RBM47: variants seen among roughly 807,000 people sequenced by gnomAD.
RBM47 encodes RNA-binding protein 47.
Under a neutral mutation model 47.1 loss-of-function variants are expected in RBM47, and 21 were observed. The ratio of observed to expected loss-of-function variants is 0.45; its 90% CI spans 0.32 to 0.64. RBM47 has a LOEUF of 0.64. Among genes scored for constraint, RBM47 ranks in the 30% least tolerant of loss-of-function variants. RBM47 has a pLI of 0.05. For missense variants in RBM47, 708 were observed against 870.9 expected, an observed-to-expected ratio of 0.81 and a Z score of 2.35; for synonymous variants, 375 against 361.7, an observed-to-expected ratio of 1.04 and a Z score of -0.42.
At chr4:40,467,370 A>C (rs988840535) in intron 2 of RBM47, among the ~76,000 whole-genome samples, 1 of 150,302 alleles carries the variant, frequency 6.7e-6, no homozygotes, top group African/African-American at 2.4e-5. Context: ...GCTCACTGCA[A>C]ACGCCACCTC....
chr4:40,523,443 T>C (rs368239808), intron 2 of RBM47, among the ~76,000 whole-genome samples: 87 of 152,016 alleles, frequency 5.7e-4, no homozygotes, highest in African/African-American at 2.1e-3. Context: ...CTGAGGTTAG[T>C]AGTTGGAGAC....
chr4:40,423,560 T>C lies in RBM47; in HGVS notation c.*2344A>G, dbSNP rs1380852699. On this transcript the variant is annotated 3_prime_UTR_variant, in exon 7 of 7. Transcript: ENST00000295971. ...AACAGATAAGTCCCAGATAGGAGGC[T>C]CACTGATACTTAATTGGCCATGTCA... 6.6e-6 allele frequency: 1 copy of C among 152,166 alleles called. No individual in the cohort carries two copies. The highest frequency in any genetic ancestry group is 1.5e-5 in the Non-Finnish European group (1 of 68,034). 9.4% of individuals were successfully genotyped at this position (152,166 alleles called of 1,614,324 possible).
intron 3 of RBM47, among the ~76,000 whole-genome samples, chr4:40,439,381 G>A (rs562194731): frequency 8.5e-4 from 129 of 152,304 alleles, no homozygotes; most frequent in African/African-American, 3.0e-3. Context: ...TGTAGGAATG[G>A]AAATACAGTG....
chr4:40,626,463 C>T (rs1361254170), intron 1 of RBM47, among the ~76,000 whole-genome samples: 1 of 152,212 alleles, frequency 6.6e-6, no homozygotes, highest in Non-Finnish European at 1.5e-5. Context: ...AGTTTACCTG[C>T]AATCCTTTGA....
rs147157441 is a variant in RBM47 at position 40,562,758 on chromosome 4, G to A, written c.-239-18252C>T. Among the ~76,000 whole-genome samples the A allele has an allele frequency of 2.8e-3, 432 of 152,220 alleles. 2 individuals are homozygous for A. Among genetic ancestry groups the A allele is most frequent in the Non-Finnish European group, 4.3e-3 (289 of 68,000 alleles). ...TAGGATTACAGGCGTGAGCCACCGTGCCCAGCCGAAATATTTCCTTTCTGT... is the reference window on the plus strand; with the variant it reads ...TAGGATTACAGGCGTGAGCCACCGTACCCAGCCGAAATATTTCCTTTCTGT... On this transcript the variant is annotated intron_variant, in intron 1 of 6. Coordinates refer to ENST00000295971, the MANE Select transcript of RBM47 (RefSeq NM_001098634.2).
At chr4:40,468,159 C>T (rs949281789) in intron 2 of RBM47, among the ~76,000 whole-genome samples, 6 of 152,160 alleles carry the variant, frequency 3.9e-5, no homozygotes, top group African/African-American at 9.6e-5. Context: ...CAGTGGTAGG[C>T]GCCTGTAATC....
At chr4:40,519,957 C>T (rs1308950697) in intron 2 of RBM47, among the ~76,000 whole-genome samples, 4 of 152,064 alleles carry the variant, frequency 2.6e-5, no homozygotes, top group Admixed American at 1.3e-4. Flanking sequence ...CATAAGCCAC[C>T]GTGCCCAGCC....
chr4:40,464,666 G>A (rs574058162), intron 3 of RBM47, among the ~76,000 whole-genome samples: 182 of 151,838 alleles, frequency 1.2e-3, no homozygotes, highest in Non-Finnish European at 2.2e-3. Flanking sequence ...TTGGGAGGCC[G>A]AGGCGGGAGG....
At chr4:40,469,640 T>G (rs1387263140) in intron 2 of RBM47, among the ~76,000 whole-genome samples, 1 of 151,128 alleles carries the variant, frequency 6.6e-6, no homozygotes, top group Non-Finnish European at 1.5e-5. Flanking sequence ...TGAAATAGAT[T>G]GTGTTTGGAG....
At chr4:40,551,338 T>C (rs411484) in intron 1 of RBM47, among the ~76,000 whole-genome samples, 142 of 152,288 alleles carry the variant, frequency 9.3e-4, no homozygotes, top group African/African-American at 3.3e-3. Context: ...TTTTGCAACG[T>C]GGAATCAGCA....
chr4:40,556,259 C>T (rs1434550457), intron 1 of RBM47, among the ~76,000 whole-genome samples: 2 of 151,988 alleles, frequency 1.3e-5, no homozygotes, highest in Non-Finnish European at 2.9e-5. Flanking sequence ...TGTTCTCCAT[C>T]TCCTGACCTC....
chr4:40,555,416 A>G (rs1729983942), intron 1 of RBM47, among the ~76,000 whole-genome samples: 1 of 152,212 alleles, frequency 6.6e-6, no homozygotes, highest in East Asian at 1.9e-4. Flanking sequence ...CGTTTCTTGC[A>G]GCATGTCTGA....
intron 2 of RBM47, among the ~76,000 whole-genome samples, chr4:40,540,114 T>C (rs1435695028): frequency 6.6e-6 from 1 of 152,128 alleles, no homozygotes; most frequent in Non-Finnish European, 1.5e-5. Context: ...CTCTAATCTT[T>C]CCTACAGATC....
intron 1 of RBM47, among the ~76,000 whole-genome samples, chr4:40,573,503 G>C (rs974643929): frequency 1.3e-5 from 2 of 152,000 alleles, no homozygotes; most frequent in Admixed American, 6.6e-5. Flanking sequence ...AGCACTTTGA[G>C]AGGCTGAGGC....
At chr4:40,564,049 A>C (rs959963827) in intron 1 of RBM47, among the ~76,000 whole-genome samples, 5 of 152,220 alleles carry the variant, frequency 3.3e-5, no homozygotes, top group African/African-American at 1.2e-4. Flanking sequence ...ATCTCTATTC[A>C]TATAATGTAA....
At chr4:40,429,599 G>A (rs1715579444) in intron 6 of RBM47, among the ~76,000 whole-genome samples, 1 of 139,226 alleles carries the variant, frequency 7.2e-6, no homozygotes, top group African/African-American at 2.7e-5. Context: ...TCTAGCAGGA[G>A]AATCGCTTGA....
rs1734599628 is a variant in RBM47, at chr4:40,594,738, C to T, written c.-240+34658G>A. Among the ~76,000 whole-genome samples, 8 of 152,314 alleles carry T rather than the reference C, an allele frequency of 5.3e-5. 1 individual carries two copies. In the South Asian group the frequency reaches 1.7e-3, roughly 32 times the overall value. ...CCCAAATCCTTGTTTCTCCCGGCCA[C>T]CTCCTTCAAGAAGCCCTCCTGACTG... On this transcript the variant is annotated intron_variant, in intron 1 of 6. Transcript: ENST00000295971.
rs533813923 is a variant in RBM47, at chr4:40,518,531, C to T, written c.-155+25891G>A. Among the ~76,000 whole-genome samples, 13 of 152,230 alleles carry T rather than the reference C, an allele frequency of 8.5e-5. No homozygotes were observed. In the East Asian group the frequency reaches 1.9e-3, roughly 23 times the overall value. On this transcript the variant is annotated intron_variant, in intron 2 of 6. Coordinates refer to ENST00000295971, the MANE Select transcript of RBM47 (RefSeq NM_001098634.2). Reference sequence around the variant, plus strand: ...ATCAAGTATTTGATATATGACACCTCATTTAATTAAACAGACAGATGAGAG... The same window carrying T: ...ATCAAGTATTTGATATATGACACCTTATTTAATTAAACAGACAGATGAGAG...
intron 6 of RBM47, among the ~76,000 whole-genome samples, chr4:40,429,688 CAAAAAAAAAAAAAAAAA>C: frequency 5.2e-5 from 2 of 38,102 alleles, no homozygotes; most frequent in Middle Eastern, 0.062. Flanking sequence ...GACTCCATCT[CAAAAAAAAAAAAAAAAA>C]AAAAAAAAAA....
Sources: gnomAD v4.1 joint callset for allele counts (sites outside exome capture counted in the v4.1 genomes callset) on GRCh38, gnomAD v4.1.1 for gene constraint, MANE v1.5 for transcripts, NCBI Gene and HGNC (gene_info 2026-07-23, HGNC 2026-07-21) for gene names.